Variants in PUS1 observed in about 807,000 individuals in gnomAD.
The protein encoded by PUS1 is pseudouridine synthase 1, also known as pseudouridylate synthase 1 homolog.
A neutral mutation model predicts 38.5 loss-of-function variants in PUS1; 25 were observed. The observed-to-expected ratio is 0.65, with a 90% CI of 0.47 to 0.91. PUS1 has a LOEUF of 0.91. Among genes scored for constraint, PUS1 ranks in the 40% least tolerant of loss-of-function variants. PUS1 has a pLI of 0.00. For missense variants in PUS1, 597 were observed against 612.3 expected, an observed-to-expected ratio of 0.97 and a Z score of 0.26; for synonymous variants, 282 against 260.4, an observed-to-expected ratio of 1.08 and a Z score of -0.80.
chr12:131,940,614 G>C (rs556692052), intron 4 of PUS1, among the ~76,000 whole-genome samples: 2 of 152,102 alleles, frequency 1.3e-5, no homozygotes, highest in South Asian at 4.1e-4. Flanking sequence ...GTCTTGTTCT[G>C]TTGCCCAGGC....
At position 131,941,305 on chromosome 12, in the gene PUS1, C is replaced by A. The variant is rs2136443242; in HGVS notation, c.558C>A (p.Val186=). Reference sequence around the variant, plus strand: ...CCTCCCCCCTAGGACTGAAGCGGGTCACGGGCGGGTTTAACTCCAAGAACA... The same window carrying A: ...CCTCCCCCCTAGGACTGAAGCGGGTAACGGGCGGGTTTAACTCCAAGAACA... ...SHIRILGLKR[V]TGGFNSKNRC... The change falls in exon 5 of 6, where the codon GTC becomes GTA. Residue 186 remains valine, a synonymous_variant. Coordinates refer to ENST00000376649, the MANE Select transcript of PUS1 (RefSeq NM_025215.6). This position sits in a 1 kb window ranked among gnomAD's most constrained non-coding sequence, Gnocchi z 4.4. 3 of 1,614,140 alleles carry A rather than the reference C, an allele frequency of 1.9e-6. No individual in the cohort carries two copies. The highest frequency in any genetic ancestry group is 1.6e-4 in the Middle Eastern group (1 of 6,062).
At position 131,943,579 on chromosome 12, in the gene PUS1, C is replaced by T. The variant is rs374824851; in HGVS notation, c.1277C>T (p.Thr426Ile). ...PLEGSEGDGD[T>I]D ...GAAGGCAGTGAAGGGGACGGAGACA[C>T]TGACTGAGGCGATGGGAGCTGCCCA... Residue 426 changes from threonine (T) to isoleucine (I), a missense_variant, in exon 6 of 6, where the codon ACT becomes ATT. Thr to Ile is a moderately conservative substitution (Grantham distance 89). Coordinates refer to ENST00000376649, the MANE Select transcript of PUS1 (RefSeq NM_025215.6). 10 of 1,613,218 alleles carry T rather than the reference C, an allele frequency of 6.2e-6. No individual in the cohort carries two copies. The African/African-American group carries it at 1.3e-4, about 22-fold the overall frequency.
At chr12:131,939,385 G>C (rs889107616) in intron 4 of PUS1, 110 bp downstream of exon 4, 6 of 780,402 alleles carry the variant, frequency 7.7e-6, no homozygotes, top group Non-Finnish European at 1.3e-5. Flanking sequence ...CAGAAGCGTA[G>C]TCAGAGTTGC....
chr12:131,936,965 G>C (rs1179060141), intron 3 of PUS1, among the ~76,000 whole-genome samples: 2 of 152,094 alleles, frequency 1.3e-5, no homozygotes, highest in Non-Finnish European at 2.9e-5. Context: ...GAGGTACCAG[G>C]TGTCCCTCAG....
At chr12:131,942,663 C>A (rs1365146546) in intron 5 of PUS1, among the ~76,000 whole-genome samples, 1 of 152,206 alleles carries the variant, frequency 6.6e-6, no homozygotes, top group Non-Finnish European at 1.5e-5. Flanking sequence ...GCCTTGGCCT[C>A]CCAAAGTGCT....
chr12:131,933,984 C>T (rs1343667660), intron 3 of PUS1, among the ~76,000 whole-genome samples: 1 of 152,288 alleles, frequency 6.6e-6, no homozygotes, highest in African/African-American at 2.4e-5. Flanking sequence ...TAAGGTCACG[C>T]GAGTGACATG....
chr12:131,938,542 C>T (rs1488562761), intron 3 of PUS1, among the ~76,000 whole-genome samples: 2 of 152,062 alleles, frequency 1.3e-5, no homozygotes, highest in Non-Finnish European at 2.9e-5. Flanking sequence ...TAAACTTGAT[C>T]AGTTTTTATC....
Position 131,941,226 on chromosome 12 carries a change from G to A in PUS1, c.545-66G>A. On this transcript the variant is annotated intron_variant, in intron 4 of 5. Coordinates refer to ENST00000376649, the MANE Select transcript of PUS1 (RefSeq NM_025215.6). The surrounding 1 kb of genome is among the most constrained non-coding windows in gnomAD (Gnocchi z 4.4). Reference sequence around the variant, plus strand: ...GACGCTGGGGCTCACGCCGTGCTCAGGCTGCTCCCTGGTCATCCAGGCACT... The same window carrying A: ...GACGCTGGGGCTCACGCCGTGCTCAAGCTGCTCCCTGGTCATCCAGGCACT... 3 of 1,422,612 alleles carry A rather than the reference G, an allele frequency of 2.1e-6. No homozygotes were observed. The highest frequency in any genetic ancestry group is 3.0e-6 in the Non-Finnish European group (3 of 1,013,768). The allele number at this position is 1,422,612 out of a possible 1,614,324, so 88.1% of individuals were successfully genotyped here.
At chr12:131,938,202 A>G (rs994271862) in intron 3 of PUS1, among the ~76,000 whole-genome samples, 3 of 152,050 alleles carry the variant, frequency 2.0e-5, no homozygotes, top group Non-Finnish European at 4.4e-5. Context: ...CCAGCACTTT[A>G]TGAGACTGAG....
At chr12:131,939,352 G>C in intron 4 of PUS1, 77 bp downstream of exon 4, 1 of 953,024 alleles carries the variant, frequency 1.0e-6, no homozygotes, top group Non-Finnish European at 1.6e-6. Flanking sequence ...GCATGCTCCT[G>C]CCTTTTCCAA....
Position 131,932,221 on chromosome 12 carries a change from T to C in PUS1, c.350T>C (p.Val117Ala), listed in dbSNP as rs1228571078. ...TTCAAAACAATTGAAGATGACTTGGTGTCCGCCCTCGTCCGGTCAGGCTGT... is the reference window on the plus strand; with the variant it reads ...TTCAAAACAATTGAAGATGACTTGGCGTCCGCCCTCGTCCGGTCAGGCTGT... ...SQFKTIEDDL[V>A]SALVRSGCIP... is the part of the protein sequence containing the mutation. Residue 117 changes from valine (V) to alanine (A), a missense_variant, in exon 3 of 6, where the codon GTG (valine) becomes GCG (alanine). Val to Ala is a moderately conservative substitution (Grantham distance 64, BLOSUM62 0). Transcript: ENST00000376649. 6.2e-7 allele frequency: 1 copy of C among 1,613,992 alleles called. No individual in the cohort carries two copies. The highest frequency in any genetic ancestry group is 8.5e-7 in the Non-Finnish European group (1 of 1,179,956).
rs1050097649 is a variant in PUS1, at chr12:131,944,957, C to G, written c.*1371C>G. On this transcript the variant is annotated 3_prime_UTR_variant, in exon 6 of 6. Transcript: ENST00000376649. ...GAGCAGGGGATCCTTGGCTGGCGGG[C>G]TGCCAGGAGCCCAGGGAGGGGCTCA... The G allele has an allele frequency of 6.6e-6, 1 of 152,322 alleles. No individual in the cohort carries two copies. The highest frequency in any genetic ancestry group is 1.5e-5 in the Non-Finnish European group (1 of 68,098). 9.4% of individuals were successfully genotyped at this position (152,322 alleles called of 1,614,324 possible).
chr12:131,934,416 C>A (rs1284066278), intron 3 of PUS1, among the ~76,000 whole-genome samples: 1 of 152,190 alleles, frequency 6.6e-6, no homozygotes, highest in Non-Finnish European at 1.5e-5. Flanking sequence ...CTGGGCGTGA[C>A]AGGGGGCTCA....
intron 3 of PUS1, among the ~76,000 whole-genome samples, chr12:131,935,603 T>C (rs1890788169): frequency 1.3e-5 from 2 of 152,120 alleles, no homozygotes; most frequent in East Asian, 1.9e-4. Context: ...GGCGTGATCT[T>C]GGCTCACCGC....
intron 3 of PUS1, among the ~76,000 whole-genome samples, chr12:131,938,716 C>CT (rs11289903): frequency 7.6e-5 from 9 of 117,996 alleles, no homozygotes; most frequent in South Asian, 2.8e-4. Flanking sequence ...ATTTTCATAT[C>CT]TTTTTTTTTT....
At chr12:131,939,535 G>T (rs1402090705) in intron 4 of PUS1, among the ~76,000 whole-genome samples, 1 of 152,202 alleles carries the variant, frequency 6.6e-6, no homozygotes, top group Non-Finnish European at 1.5e-5. Context: ...TGGTTAAAAT[G>T]AACAGTTGTT....
At chr12:131,931,899 C>T (rs1890617942) in intron 2 of PUS1, 1 of 599,390 alleles carries the variant, frequency 1.7e-6, no homozygotes, top group East Asian at 2.8e-5. Flanking sequence ...GATTTTGTAA[C>T]TGACAGATTG....
intron 3 of PUS1, among the ~76,000 whole-genome samples, chr12:131,938,399 C>T (rs1050173686): frequency 1.8e-4 from 27 of 152,088 alleles, no homozygotes; most frequent in Non-Finnish European, 3.8e-4. Context: ...AAGCCAAGAT[C>T]GGCACCACTG....
At position 131,929,974 on chromosome 12, in the gene PUS1, T is replaced by C; in HGVS notation, c.142T>C (p.Ser48Pro). 1 of 1,502,484 alleles carries C rather than the reference T, an allele frequency of 6.7e-7. No individual in the cohort carries two copies. The highest frequency in any genetic ancestry group is 1.3e-5 in the South Asian group (1 of 77,910). The allele number at this position is 1,502,484 out of a possible 1,614,324, so 93.1% of individuals were successfully genotyped here. ...AGAACPQDRR[S>P]CSGRAGGDRV... The stretch of plus-strand genomic sequence containing the variant: ...AGCCGCATGCCCCCAGGACCGGAGG[T>C]CCTGCAGCGGCCGGGCCGGGGGCGA... Residue 48 changes from serine (S) to proline (P), a missense_variant, in exon 2 of 6, where the codon TCC (serine) becomes CCC (proline). By Grantham distance (74) the Ser-to-Pro change is moderately conservative (BLOSUM62 -1). Transcript: ENST00000376649.
Sources: allele counts gnomAD v4.1 joint callset (sites outside exome capture counted in the v4.1 genomes callset), GRCh38; gene constraint gnomAD v4.1.1; non-coding constraint Gnocchi (gnomAD v3.1); transcripts MANE v1.5; gene names NCBI Gene and HGNC (gene_info 2026-07-23, HGNC 2026-07-21).